ASXL2: variants seen among roughly 807,000 people sequenced by gnomAD.
ASXL2 encodes the protein putative Polycomb group protein ASXL2.
Under a neutral mutation model 122.0 loss-of-function variants are expected in ASXL2, and 23 were observed. The observed-to-expected ratio is 0.19, with a 90% CI of 0.14 to 0.27. ASXL2 has a LOEUF of 0.27. Ranked by LOEUF, ASXL2 falls within the 10% of genes least tolerant of loss-of-function variation. The pLI, the probability that ASXL2 is intolerant of heterozygous loss-of-function variation, is 1.00. For synonymous variants in ASXL2, 650 were observed against 637.0 expected (o/e 1.02, Z -0.31); for missense variants, 1,518 against 1,713.8 (o/e 0.89, Z 2.02).
chr2:25,747,892 G>A (rs2087968700), intron 12 of ASXL2, among the ~76,000 whole-genome samples: 1 of 152,214 alleles, frequency 6.6e-6, no homozygotes. Context: ...GAATTGGCCA[G>A]GCGTGGTGGC....
chr2:25,775,530 C>T (rs923520655), intron 5 of ASXL2, among the ~76,000 whole-genome samples: 6 of 152,138 alleles, frequency 3.9e-5, no homozygotes, highest in African/African-American at 1.2e-4. Context: ...GGCAGCTTCC[C>T]CCACGTTGTT....
chr2:25,809,137 G>C (rs1191023633), intron 3 of ASXL2, among the ~76,000 whole-genome samples: 1 of 152,040 alleles, frequency 6.6e-6, no homozygotes, highest in East Asian at 1.9e-4. Flanking sequence ...GGCTAAATCA[G>C]TGGCAAAACA....
chr2:25,828,848 A>C (rs868638404), intron 3 of ASXL2, among the ~76,000 whole-genome samples: 3 of 150,186 alleles, frequency 2.0e-5, no homozygotes, highest in African/African-American at 2.4e-5. Flanking sequence ...AAAAAAAAAA[A>C]CAACAACCTT....
chr2:25,826,604 G>A (rs996502853), intron 3 of ASXL2, among the ~76,000 whole-genome samples: 5 of 151,366 alleles, frequency 3.3e-5, no homozygotes, highest in East Asian at 1.9e-4. Flanking sequence ...CATTTTTTCC[G>A]TACTCCTTCC....
At chr2:25,778,248 G>T (rs894868104) in intron 5 of ASXL2, among the ~76,000 whole-genome samples, 1 of 152,154 alleles carries the variant, frequency 6.6e-6, no homozygotes, top group Admixed American at 6.6e-5. Flanking sequence ...TTATCCAAAT[G>T]GATCCTAAAG....
chr2:25,781,959 C>CTTTTTTTTTTT lies in ASXL2; in HGVS notation c.404-10420_404-10419insAAAAAAAAAAA, dbSNP rs1327580113. Among the ~76,000 whole-genome samples the CTTTTTTTTTTT allele has an allele frequency of 2.5e-4, 22 of 88,396 alleles. 5 individuals carry two copies. Among genetic ancestry groups the CTTTTTTTTTTT allele is most frequent in the Non-Finnish European group, 4.0e-4 (17 of 42,690 alleles). The allele number at this position is 88,396 out of a possible 152,430, so 58.0% of individuals were successfully genotyped here. A position where few individuals can be genotyped will look rare whatever the true frequency, so the allele number is the denominator to read the frequency against. Reference sequence around the variant, plus strand: ...TAACAGGCGTGAGCCACCGCCCGGGCTTTTTTCTTTTTTTTTTTTTTTTTT... The same window carrying CTTTTTTTTTTT: ...TAACAGGCGTGAGCCACCGCCCGGGCTTTTTTTTTTTTTTTTTCTTTTTTTTTTTTTTTTTT... On this transcript the variant is annotated intron_variant, in intron 5 of 12. Coordinates refer to ENST00000435504, the MANE Select transcript of ASXL2 (RefSeq NM_018263.6).
At chr2:25,790,800 CTTTTTTTTTTTTT>C (rs35046164) in intron 5 of ASXL2, among the ~76,000 whole-genome samples, 1 of 108,854 alleles carries the variant, frequency 9.2e-6, no homozygotes, top group Non-Finnish European at 1.8e-5. Flanking sequence ...AGTTTTTTGT[CTTTTTTTTTTTTT>C]TTTTTTTTGA....
At chr2:25,864,511 C>T (rs1050179249) in intron 1 of ASXL2, among the ~76,000 whole-genome samples, 2 of 152,156 alleles carry the variant, frequency 1.3e-5, no homozygotes, top group South Asian at 4.1e-4. Context: ...CAGATGATGA[C>T]TCTAGCTTTT....
intron 12 of ASXL2, among the ~76,000 whole-genome samples, chr2:25,745,544 A>AGG (rs1442424123): frequency 1.5e-5 from 2 of 135,114 alleles, no homozygotes; most frequent in African/African-American, 5.7e-5. Context: ...GTGACTCCAG[A>AGG]GGGAGCCTCC....
At chr2:25,827,489 C>T (rs1399723439) in intron 3 of ASXL2, among the ~76,000 whole-genome samples, 1 of 152,178 alleles carries the variant, frequency 6.6e-6, no homozygotes, top group Non-Finnish European at 1.5e-5. Context: ...TTCAGTAAAA[C>T]ATTTTTCCTT....
chr2:25,850,036 C>T (rs1380910410), intron 1 of ASXL2, among the ~76,000 whole-genome samples: 1 of 152,088 alleles, frequency 6.6e-6, no homozygotes, highest in African/African-American at 2.4e-5. Flanking sequence ...TACCCATCAC[C>T]CATTTTCAAC....
intron 1 of ASXL2, among the ~76,000 whole-genome samples, chr2:25,858,882 C>T (rs1204581450): frequency 2.1e-5 from 3 of 145,246 alleles, no homozygotes; most frequent in Non-Finnish European, 3.0e-5. Context: ...GGTGTGATCT[C>T]GGCTCACTGG....
At chr2:25,764,686 T>C (rs866209431) in intron 8 of ASXL2, among the ~76,000 whole-genome samples, 1 of 152,234 alleles carries the variant, frequency 6.6e-6, no homozygotes, top group African/African-American at 2.4e-5. Context: ...ATAAACAATG[T>C]TGCAATGCCT....
At position 25,742,454 on chromosome 2, in the gene ASXL2, G is replaced by C. The variant is rs2087847589; in HGVS notation, c.3883C>G (p.Pro1295Ala). 6.2e-7 allele frequency: 1 copy of C among 1,612,346 alleles called. No individual in the cohort carries two copies. The highest frequency in any genetic ancestry group is 1.7e-5 in the Admixed American group (1 of 59,776). Residue 1295 changes from proline (P) to alanine (A), a missense_variant, in exon 13 of 13, where the codon CCT becomes GCT. Physicochemically the swap from Pro to Ala is conservative, Grantham distance 27. Around this residue, in one of 8 missense-constraint regions of ASXL2, gnomAD observed 831 missense variants for 833.1 expected, o/e 1.00. Coordinates refer to ENST00000435504, the MANE Select transcript of ASXL2 (RefSeq NM_018263.6). ...SPELFSSTVL[P>A]LPADSPTHQP... is the part of the protein sequence containing the mutation. ...TGGGTGGGGCTGTCTGCAGGCAGAGGAAGAACAGTAGAACTGAAAAGCTCG... is the reference window on the plus strand; with the variant it reads ...TGGGTGGGGCTGTCTGCAGGCAGAGCAAGAACAGTAGAACTGAAAAGCTCG...
At chr2:25,814,004 C>T (rs986938376) in intron 3 of ASXL2, among the ~76,000 whole-genome samples, 2 of 151,984 alleles carry the variant, frequency 1.3e-5, no homozygotes, top group African/African-American at 4.8e-5. Context: ...GAGCCAAAAT[C>T]GTGCCACTGC....
chr2:25,835,056 T>A (rs2089492874), intron 3 of ASXL2, among the ~76,000 whole-genome samples: 1 of 151,926 alleles, frequency 6.6e-6, no homozygotes, highest in Admixed American at 6.6e-5. Flanking sequence ...ACTCCTGACC[T>A]CAAGTGATCC....
At chr2:25,843,829 A>AAAAAAG (rs1553704936) in intron 2 of ASXL2, among the ~76,000 whole-genome samples, 39 of 151,250 alleles carry the variant, frequency 2.6e-4, no homozygotes, top group Admixed American at 7.3e-4. Context: ...AAAAAAAAAA[A>AAAAAAG]AAAGAAAGAA....
At chr2:25,815,863 G>C (rs539683159) in intron 3 of ASXL2, among the ~76,000 whole-genome samples, 2 of 152,082 alleles carry the variant, frequency 1.3e-5, no homozygotes, top group Non-Finnish European at 2.9e-5. Flanking sequence ...TATCTTAATA[G>C]ATACAAAGCA....
rs559322320 is a variant in ASXL2 at position 25,831,723 on chromosome 2, G to T, written c.143+3815C>A. Among the ~76,000 whole-genome samples, 39 of 152,038 alleles carry T rather than the reference G, an allele frequency of 2.6e-4. No individual in the cohort carries two copies. The South Asian group carries it at 4.6e-3, about 18-fold the overall frequency. ...AGAAAAAGTAATAAAGAAAAATGAAGAAATAAACCTACAGATTCAAGAAAC... is the reference window on the plus strand; with the variant it reads ...AGAAAAAGTAATAAAGAAAAATGAATAAATAAACCTACAGATTCAAGAAAC... On this transcript the variant is annotated intron_variant, in intron 3 of 12. Transcript: ENST00000435504.
Sources: allele counts gnomAD v4.1 joint callset (sites outside exome capture counted in the v4.1 genomes callset), GRCh38; gene constraint gnomAD v4.1.1; regional missense constraint gnomAD v4.1.1; transcripts MANE v1.5; gene names NCBI Gene and HGNC (gene_info 2026-07-23, HGNC 2026-07-21).